The following LARGE1 variants were observed in gnomAD, a reference collection of about 807,000 sequenced individuals.
LARGE1 encodes xylosyl- and glucuronyltransferase LARGE1.
In LARGE1, 43 loss-of-function variants were observed where a neutral mutation model predicts 87.6. The observed-to-expected ratio is 0.49, with a 90% CI of 0.38 to 0.63. LARGE1 has a LOEUF of 0.63. LARGE1 is among the 30% of genes least tolerant of loss of function. LARGE1 has a pLI of 0.00. For synonymous variants in LARGE1, 434 were observed against 394.6 expected, an observed-to-expected ratio of 1.10 and a Z score of -1.18; for missense variants, 802 against 1,000.2, an observed-to-expected ratio of 0.80 and a Z score of 2.67.
intron 12 of LARGE1, among the ~76,000 whole-genome samples, chr22:33,301,618 C>A (rs1369929412): frequency 1.3e-5 from 2 of 152,292 alleles, no homozygotes; most frequent in South Asian, 4.1e-4. Context: ...GAGACCAGGG[C>A]TCTGGTCTCT....
intron 9 of LARGE1, among the ~76,000 whole-genome samples, chr22:33,348,268 G>GC (rs1192892451): frequency 3.8e-4 from 36 of 94,958 alleles, no homozygotes; most frequent in South Asian, 2.0e-3. Flanking sequence ...CTCTGTCCCC[G>GC]CTCCCCCACC....
the LARGE1 span, among the ~76,000 whole-genome samples, chr22:33,122,684 CA>C: frequency 6.6e-6 from 1 of 152,030 alleles, no homozygotes; most frequent in African/African-American, 2.4e-5. Context: ...TATGGCAAAA[CA>C]AGTGGATAAT....
chr22:33,672,086 A>G (rs2081431794), intron 2 of LARGE1, among the ~76,000 whole-genome samples: 1 of 152,180 alleles, frequency 6.6e-6, no homozygotes, highest in Admixed American at 6.5e-5. Flanking sequence ...ACAGCTACAT[A>G]TTAGGTAATA....
chr22:33,467,825 T>G (rs938866106), intron 6 of LARGE1, among the ~76,000 whole-genome samples: 1 of 152,100 alleles, frequency 6.6e-6, no homozygotes, highest in Non-Finnish European at 1.5e-5. Flanking sequence ...ATTGCTTTGG[T>G]TTTTGTCCAT....
At chr22:33,761,736 A>G (rs949976981) in intron 1 of LARGE1, among the ~76,000 whole-genome samples, 178 bp from the exon 2 acceptor site, 1 of 150,840 alleles carries the variant, frequency 6.6e-6, no homozygotes, top group African/African-American at 2.5e-5. Context: ...GAGACAATAA[A>G]TAAATAAGTA....
At chr22:33,508,658 C>T (rs191632511) in intron 6 of LARGE1, among the ~76,000 whole-genome samples, 70 of 152,254 alleles carry the variant, frequency 4.6e-4, no homozygotes, top group Admixed American at 3.9e-3. Context: ...GACATCCTAT[C>T]AGAATTATGC....
intron 10 of LARGE1, among the ~76,000 whole-genome samples, chr22:33,317,071 G>A (rs755646097): frequency 8.6e-5 from 13 of 151,996 alleles, no homozygotes; most frequent in South Asian, 2.1e-4. Flanking sequence ...AAAATTAGCC[G>A]GGCATGGTGG....
chr22:33,086,356 T>A, the LARGE1 span, among the ~76,000 whole-genome samples: 1 of 152,132 alleles, frequency 6.6e-6, no homozygotes, highest in African/African-American at 2.4e-5. Context: ...CAGATTTTTG[T>A]CTTCTAAATT....
intron 1 of LARGE1, among the ~76,000 whole-genome samples, chr22:33,892,884 C>T (rs992341860): frequency 6.6e-6 from 1 of 152,198 alleles, no homozygotes; most frequent in Non-Finnish European, 1.5e-5. Flanking sequence ...CACAAGAGCC[C>T]GTGTGCAGGC....
chr22:33,467,373 T>C (rs1205079644), intron 6 of LARGE1, among the ~76,000 whole-genome samples: 1 of 152,202 alleles, frequency 6.6e-6, no homozygotes. Flanking sequence ...AATTAACTAG[T>C]CCCTCTTTCC....
At chr22:33,783,000 C>T (rs1174648752) in intron 1 of LARGE1, among the ~76,000 whole-genome samples, 3 of 151,686 alleles carry the variant, frequency 2.0e-5, no homozygotes, top group African/African-American at 4.8e-5. Context: ...TACAGTGCTT[C>T]GGCCTGATTT....
At chr22:33,688,991 C>T (rs1211765151) in intron 2 of LARGE1, among the ~76,000 whole-genome samples, 1 of 152,182 alleles carries the variant, frequency 6.6e-6, no homozygotes, top group African/African-American at 2.4e-5. Context: ...CCTAAGCACA[C>T]ATCTAAATGT....
intron 7 of LARGE1, among the ~76,000 whole-genome samples, chr22:33,401,301 A>G (rs1010704162): frequency 6.6e-6 from 1 of 152,032 alleles, no homozygotes; most frequent in Non-Finnish European, 1.5e-5. Flanking sequence ...GGTCTTTAAA[A>G]AGGTAGTTAA....
intron 7 of LARGE1, among the ~76,000 whole-genome samples, chr22:33,389,619 C>T (rs1002433992): frequency 7.2e-5 from 11 of 152,112 alleles, no homozygotes; most frequent in East Asian, 1.9e-4. Context: ...CTGAGGCTGG[C>T]GGATCACCTG....
rs140788852 is a variant in LARGE1 at position 33,597,477 on chromosome 22, C to T, written c.615+6958G>A. Among the ~76,000 whole-genome samples, 222 of 152,146 alleles carry T rather than the reference C, an allele frequency of 1.5e-3. 2 individuals carry two copies. In the East Asian group the frequency reaches 0.018, roughly 12 times the overall value. On this transcript the variant is annotated intron_variant, in intron 5 of 14. Transcript: ENST00000397394. Reference sequence around the variant, plus strand: ...AACAATGAGTCTGCCTCCTAAAGGACGGCAGGGGGCTGGAAGATTACAGTT... The same window carrying T: ...AACAATGAGTCTGCCTCCTAAAGGATGGCAGGGGGCTGGAAGATTACAGTT...
intron 11 of LARGE1, among the ~76,000 whole-genome samples, chr22:33,169,626 C>T (rs371855608): frequency 2.0e-5 from 3 of 151,604 alleles, no homozygotes; most frequent in Admixed American, 6.6e-5. Context: ...CTGAGGCGGG[C>T]GGATCATGAG....
chr22:33,648,424 A>G (rs2080687332), intron 3 of LARGE1, among the ~76,000 whole-genome samples: 2 of 152,098 alleles, frequency 1.3e-5, no homozygotes, highest in South Asian at 4.1e-4. Flanking sequence ...ATGTCATAAT[A>G]GTGTAAATAC....
chr22:33,719,607 G>A (rs141582788), intron 2 of LARGE1, among the ~76,000 whole-genome samples: 39 of 151,548 alleles, frequency 2.6e-4, no homozygotes, highest in African/African-American at 8.0e-4. Flanking sequence ...TGCAACCTCC[G>A]CCTCCCAGAT....
intron 1 of LARGE1, among the ~76,000 whole-genome samples, chr22:33,908,046 T>C (rs957692592): frequency 1.7e-4 from 26 of 152,264 alleles, no homozygotes; most frequent in African/African-American, 6.3e-4. Flanking sequence ...TTCTTTAGAT[T>C]CCGGAATACT....
Sources: allele counts gnomAD v4.1 joint callset (sites outside exome capture counted in the v4.1 genomes callset), GRCh38; gene constraint gnomAD v4.1.1; transcripts MANE v1.5; gene names NCBI Gene and HGNC (gene_info 2026-07-23, HGNC 2026-07-21).